TINAG: variants seen among roughly 807,000 people sequenced by gnomAD.
The protein encoded by TINAG is tubulointerstitial nephritis antigen.
A neutral mutation model predicts 72.7 loss-of-function variants in TINAG; 83 were observed. The ratio of observed to expected loss-of-function variants is 1.14; its 90% CI spans 0.96 to 1.37. The LOEUF is 1.37. Among genes scored for constraint, TINAG ranks in the 40% most tolerant of loss-of-function variants. The probability of loss-of-function intolerance (pLI) is 0.00; values close to 1 mark genes in which losing one functional copy is unlikely to be tolerated. For synonymous variants in TINAG, 234 were observed against 189.9 expected (o/e 1.23, Z -1.91); for missense variants, 685 against 576.6 (o/e 1.19, Z -1.93).
chr6:54,386,114 C>T (rs1248661247), intron 10 of TINAG, among the ~76,000 whole-genome samples: 1 of 152,050 alleles, frequency 6.6e-6, no homozygotes, highest in Non-Finnish European at 1.5e-5. Context: ...TGGTCTCAAA[C>T]TCCTGACTTC....
At chr6:54,361,485 C>A (rs1409279354) in intron 9 of TINAG, among the ~76,000 whole-genome samples, 1 of 151,632 alleles carries the variant, frequency 6.6e-6, no homozygotes, top group Non-Finnish European at 1.5e-5. Flanking sequence ...ACTTTTTAAA[C>A]AACCAGATCT....
intron 4 of TINAG, among the ~76,000 whole-genome samples, chr6:54,338,920 C>A (rs1784933344): frequency 6.6e-6 from 1 of 152,026 alleles, no homozygotes; most frequent in Non-Finnish European, 1.5e-5. Flanking sequence ...ATCTAATTTT[C>A]AAAACCGGTG....
intron 5 of TINAG, among the ~76,000 whole-genome samples, chr6:54,346,746 C>A (rs1235778359): frequency 6.6e-6 from 1 of 151,802 alleles, no homozygotes; most frequent in Non-Finnish European, 1.5e-5. Flanking sequence ...ATTATGAGCA[C>A]AAAAGTGTGC....
At chr6:54,339,286 A>C (rs1784942256) in intron 4 of TINAG, among the ~76,000 whole-genome samples, 1 of 152,056 alleles carries the variant, frequency 6.6e-6, no homozygotes, top group South Asian at 2.1e-4. Context: ...CTGGAATTGT[A>C]CTCTGTGGTG....
intron 4 of TINAG, among the ~76,000 whole-genome samples, chr6:54,328,699 G>T (rs532047145): frequency 6.6e-6 from 1 of 152,018 alleles, no homozygotes; most frequent in Middle Eastern, 3.4e-3. Flanking sequence ...TGTTCTAACT[G>T]AATGTAAGGA....
intron 1 of TINAG, among the ~76,000 whole-genome samples, chr6:54,310,529 C>G (rs1353003092): frequency 1.4e-5 from 2 of 143,236 alleles, no homozygotes; most frequent in African/African-American, 5.2e-5. Flanking sequence ...TTCTTTCTTT[C>G]TCTCTCTGTC....
At chr6:54,308,106 C>T (rs1470561272), upstream of TINAG, 21 of 1,549,594 alleles carry the variant, frequency 1.4e-5, no homozygotes, top group African/African-American at 2.7e-5. Context: ...GCAGGTGAAA[C>T]GAATAATTGC....
chr6:54,368,077 T>C (rs1020458117), intron 9 of TINAG, among the ~76,000 whole-genome samples: 2 of 151,540 alleles, frequency 1.3e-5, no homozygotes, highest in Admixed American at 1.3e-4. Flanking sequence ...AAACTTTGAG[T>C]CCGTAGAGAA....
chr6:54,339,575 T>A (rs930995195), intron 4 of TINAG, among the ~76,000 whole-genome samples: 1 of 152,016 alleles, frequency 6.6e-6, no homozygotes, highest in Admixed American at 6.6e-5. Context: ...GGCTGGGAAG[T>A]GGGCAATTAC....
rs1353613878 is a variant in TINAG, at chr6:54,321,323, G to T, written c.446G>T (p.Cys149Phe). The change falls in exon 3 of 11, where the codon TGT becomes TTT. Residue 149 changes from cysteine (C) to phenylalanine (F), a missense_variant. Physicochemically the swap from Cys to Phe is radical, Grantham distance 205. Transcript: ENST00000259782. ...ACATGCTCAGGACAGCAATGGAAATGTTCCCAGCATGTATGCCTTGTTCGT... is the reference window on the plus strand; with the variant it reads ...ACATGCTCAGGACAGCAATGGAAATTTTCCCAGCATGTATGCCTTGTTCGT... Reference protein sequence around the residue: ...SCTCSGQQWKCSQHVCLVRSE... With the variant: ...SCTCSGQQWKFSQHVCLVRSE... The T allele has an allele frequency of 8.1e-6, 13 of 1,613,720 alleles. No individual in the cohort carries two copies. Among genetic ancestry groups the T allele is most frequent in the Non-Finnish European group, 1.1e-5 (13 of 1,179,866 alleles).
chr6:54,310,299 C>T (rs896875267), intron 1 of TINAG, among the ~76,000 whole-genome samples: 4 of 151,796 alleles, frequency 2.6e-5, no homozygotes, highest in African/African-American at 7.3e-5. Flanking sequence ...TGCCTAGGCT[C>T]GTCTTAAAAC....
At chr6:54,369,338 A>G (rs1477513477) in intron 9 of TINAG, among the ~76,000 whole-genome samples, 1 of 151,936 alleles carries the variant, frequency 6.6e-6, no homozygotes, top group Non-Finnish European at 1.5e-5. Context: ...ATGGAAAGAA[A>G]TACACTATTA....
At chr6:54,329,063 CA>C (rs1784676281) in intron 4 of TINAG, among the ~76,000 whole-genome samples, 1 of 151,986 alleles carries the variant, frequency 6.6e-6, no homozygotes, top group South Asian at 2.1e-4. Flanking sequence ...GGATATTATC[CA>C]GGAAAACTTC....
chr6:54,353,893 G>A (rs954523814), intron 8 of TINAG, among the ~76,000 whole-genome samples: 2 of 151,800 alleles, frequency 1.3e-5, no homozygotes, highest in Non-Finnish European at 2.9e-5. Flanking sequence ...CAACAAAGCA[G>A]CACACAATAG....
rs750081789 is a variant in TINAG, at chr6:54,308,704, T to C, written c.154T>C (p.Phe52Leu). The change falls in exon 1 of 11, where the codon TTC (phenylalanine) becomes CTC (leucine). Residue 52 changes from phenylalanine to leucine, a missense_variant. By Grantham distance (22) the Phe-to-Leu change is conservative. Transcript: ENST00000259782. ...LQGTRFKRAI[F>L]QGQYCRNFGC... ...AGGTACTCGATTCAAAAGAGCCATT[T>C]TCCAAGGGCAATACTGTAGAAATTT... 9.3e-6 allele frequency: 15 copies of C among 1,613,778 alleles called. No individual in the cohort carries two copies. In the African/African-American group the frequency reaches 1.9e-4, roughly 20 times the overall value.
Position 54,373,237 on chromosome 6 carries a change from G to A in TINAG, c.1251-7289G>A, listed in dbSNP as rs188738055. Among the ~76,000 whole-genome samples the A allele has an allele frequency of 3.7e-4, 57 of 152,062 alleles. 1 individual carries two copies. In the East Asian group the frequency reaches 7.0e-3, roughly 19 times the overall value. ...TAATATATCTTGTTCACCATCACTA[G>A]TTTGATCTTCCTATGGCTGCCTACA... On this transcript the variant is annotated intron_variant, in intron 9 of 10. Transcript: ENST00000259782.
At chr6:54,350,838 A>G (rs1388577165) in intron 7 of TINAG, among the ~76,000 whole-genome samples, 1 of 151,676 alleles carries the variant, frequency 6.6e-6, no homozygotes, top group African/African-American at 2.4e-5. Context: ...CAAAATGTAA[A>G]TACCTTGAGT....
At chr6:54,328,475 A>G (rs1474003335) in intron 4 of TINAG, among the ~76,000 whole-genome samples, 2 of 152,178 alleles carry the variant, frequency 1.3e-5, no homozygotes, top group Non-Finnish European at 2.9e-5. Flanking sequence ...GGTCACCAAC[A>G]TCAAAGGCCA....
chr6:54,349,774 T>C lies in TINAG; in HGVS notation c.958T>C (p.Cys320Arg). ...AGACCAAAATGCTACCAACAATGGA[T>C]GTGCCATGGCAAGCAGGTCTGATGG... ...FKDQNATNNG[C>R]AMASRSDGRG... is the part of the protein sequence containing the mutation. Residue 320 changes from cysteine (C) to arginine (R), a missense_variant, in exon 7 of 11, where the codon TGT becomes CGT. Transcript: ENST00000259782. 1.2e-6 allele frequency: 2 copies of C among 1,605,952 alleles called. No individual in the cohort carries two copies. Among genetic ancestry groups the C allele is most frequent in the African/African-American group, 1.3e-5 (1 of 74,776 alleles).
Sources: gnomAD v4.1 joint callset for allele counts (sites outside exome capture counted in the v4.1 genomes callset) on GRCh38, gnomAD v4.1.1 for gene constraint, MANE v1.5 for transcripts, NCBI Gene and HGNC (gene_info 2026-07-23, HGNC 2026-07-21) for gene names.